The following PTPRD variants were observed in gnomAD, a reference collection of about 807,000 sequenced individuals.
PTPRD encodes the protein receptor-type tyrosine-protein phosphatase delta.
In PTPRD, 34 loss-of-function variants were observed where a neutral mutation model predicts 214.5. The observed-to-expected ratio is 0.16, with a 90% CI of 0.12 to 0.21. The LOEUF is 0.21. PTPRD is among the 10% of genes least tolerant of loss of function. The probability of loss-of-function intolerance (pLI) is 1.00; values close to 1 mark genes in which losing one functional copy is unlikely to be tolerated. For synonymous variants in PTPRD, 1,128 were observed against 845.7 expected (o/e 1.33, Z -5.79); for missense variants, 2,545 against 2,398.7 (o/e 1.06, Z -1.27).
intron 9 of PTPRD, among the ~76,000 whole-genome samples, chr9:9,264,229 C>T (rs1937901502): frequency 6.6e-6 from 1 of 151,552 alleles, no homozygotes; most frequent in Non-Finnish European, 1.5e-5. Flanking sequence ...CATCTATGAA[C>T]TGCTCAACAA....
At chr9:10,150,690 A>G (rs929955095) in intron 3 of PTPRD, among the ~76,000 whole-genome samples, 1 of 151,430 alleles carries the variant, frequency 6.6e-6, no homozygotes. Flanking sequence ...AAAAAATAAT[A>G]ATCTTTAAAA....
chr9:9,513,812 T>C (rs887640599), intron 8 of PTPRD, among the ~76,000 whole-genome samples: 2 of 152,030 alleles, frequency 1.3e-5, no homozygotes, highest in African/African-American at 4.8e-5. Context: ...AGGGCAAAAC[T>C]CTTGTTTATT....
At chr9:9,952,874 G>A (rs1475703848) in intron 4 of PTPRD, among the ~76,000 whole-genome samples, 5 of 152,016 alleles carry the variant, frequency 3.3e-5, no homozygotes, top group African/African-American at 1.2e-4. Context: ...TTATCTGGCT[G>A]CTATTTCCCT....
chr9:8,685,477 G>A (rs184774503), intron 12 of PTPRD, among the ~76,000 whole-genome samples: 6 of 151,784 alleles, frequency 4.0e-5, no homozygotes, highest in East Asian at 1.9e-4. Flanking sequence ...GTGGGCAAAC[G>A]CTGCATGTAA....
At chr9:9,642,902 A>AT (rs1166548404) in intron 7 of PTPRD, among the ~76,000 whole-genome samples, 4 of 152,190 alleles carry the variant, frequency 2.6e-5, no homozygotes, top group Non-Finnish European at 5.9e-5. Flanking sequence ...CAGAGCTGTG[A>AT]TTTGTACCTA....
intron 2 of PTPRD, among the ~76,000 whole-genome samples, chr9:10,389,171 C>A (rs2097998427): frequency 1.3e-5 from 2 of 151,766 alleles, no homozygotes; most frequent in Non-Finnish European, 2.9e-5. Flanking sequence ...ATAGAGGCTG[C>A]AAACCCTATT....
At chr9:9,107,329 C>A (rs535161003) in intron 10 of PTPRD, among the ~76,000 whole-genome samples, 7 of 152,220 alleles carry the variant, frequency 4.6e-5, no homozygotes, top group Admixed American at 4.6e-4. Context: ...ACACTGCTGG[C>A]GTTAAAACAC....
At position 9,135,561 on chromosome 9, in the gene PTPRD, T is replaced by C. The variant is rs1314517718; in HGVS notation, c.-143+47743A>G. On this transcript the variant is annotated intron_variant, in intron 10 of 45. Transcript: ENST00000381196. ...ATGGCTTTCAATGCTTTCTGTTACA[T>C]TCCCAGAAGGTGGCTAAGTGCGATA... Among the ~76,000 whole-genome samples, 3 of 152,258 alleles carry C rather than the reference T, an allele frequency of 2.0e-5. No individual in the cohort carries two copies. The South Asian group carries it at 6.2e-4, about 32-fold the overall frequency.
intron 3 of PTPRD, among the ~76,000 whole-genome samples, chr9:10,335,193 A>G (rs915359647): frequency 5.9e-5 from 9 of 151,792 alleles, no homozygotes; most frequent in Non-Finnish European, 1.3e-4. Context: ...GACTTAATAT[A>G]AAGCCACAGT....
intron 10 of PTPRD, among the ~76,000 whole-genome samples, chr9:9,067,681 G>C (rs1285741937): frequency 1.3e-5 from 2 of 152,066 alleles, no homozygotes; most frequent in East Asian, 3.9e-4. Flanking sequence ...ATGGTTGTAA[G>C]AAATAACACA....
chr9:9,448,450 T>TTC (rs2091168801), intron 8 of PTPRD, among the ~76,000 whole-genome samples: 1 of 151,940 alleles, frequency 6.6e-6, no homozygotes, highest in African/African-American at 2.4e-5. Flanking sequence ...TTGCAGTTCA[T>TTC]TCTCTCTCTC....
intron 5 of PTPRD, among the ~76,000 whole-genome samples, chr9:9,794,672 A>T (rs2098990829): frequency 1.3e-5 from 2 of 152,192 alleles, no homozygotes; most frequent in African/African-American, 4.8e-5. Context: ...AAGAGCCCTG[A>T]AATATAAGAA....
intron 35 of PTPRD, among the ~76,000 whole-genome samples, chr9:8,435,058 C>T (rs1184530142): frequency 1.3e-5 from 2 of 152,170 alleles, no homozygotes; most frequent in Non-Finnish European, 2.9e-5. Flanking sequence ...AGGAAACAAA[C>T]AAAATCTTTG....
At chr9:9,336,815 T>G (rs902398707) in intron 9 of PTPRD, among the ~76,000 whole-genome samples, 1 of 152,188 alleles carries the variant, frequency 6.6e-6, no homozygotes, top group Non-Finnish European at 1.5e-5. Flanking sequence ...TATTAAATTA[T>G]TTGACTTTAA....
At chr9:9,949,875 G>A (rs548988510) in intron 4 of PTPRD, among the ~76,000 whole-genome samples, 3 of 152,142 alleles carry the variant, frequency 2.0e-5, no homozygotes, top group Non-Finnish European at 2.9e-5. Flanking sequence ...ACCGCATTGA[G>A]TTATTGAATC....
At chr9:9,741,700 G>T (rs924468336) in intron 6 of PTPRD, among the ~76,000 whole-genome samples, 1 of 152,112 alleles carries the variant, frequency 6.6e-6, no homozygotes, top group Admixed American at 6.6e-5. Context: ...GTGAGAATAT[G>T]CAGTGTTTGG....
At chr9:10,080,727 G>T (rs1280167560) in intron 3 of PTPRD, among the ~76,000 whole-genome samples, 1 of 151,724 alleles carries the variant, frequency 6.6e-6, no homozygotes, top group East Asian at 1.9e-4. Context: ...TTCTTTATAG[G>T]GACTCCTACT....
intron 10 of PTPRD, among the ~76,000 whole-genome samples, chr9:9,138,031 G>C (rs911245076): frequency 1.3e-5 from 2 of 152,052 alleles, no homozygotes; most frequent in African/African-American, 4.8e-5. Context: ...AGATGTTAAG[G>C]GATAGAGCTG....
rs145120524 is a variant in PTPRD at position 9,849,078 on chromosome 9, CTA to C, written c.-367-82229_-367-82228del. ...ATACATAGACACACCCTGTTTTACCCTATGTTTTTAAATACATAGACACAGGG... is the reference window on the plus strand; with the variant it reads ...ATACATAGACACACCCTGTTTTACCCTGTTTTTAAATACATAGACACAGGG... On this transcript the variant is annotated intron_variant, in intron 5 of 45. Transcript: ENST00000381196. Among the ~76,000 whole-genome samples, 426 of 151,794 alleles carry C rather than the reference CTA, an allele frequency of 2.8e-3. 3 individuals carry two copies. Among genetic ancestry groups the C allele is most frequent in the African/African-American group, 9.6e-3 (398 of 41,412 alleles).
Sources: gnomAD v4.1 joint callset for allele counts (sites outside exome capture counted in the v4.1 genomes callset) on GRCh38, gnomAD v4.1.1 for gene constraint, MANE v1.5 for transcripts, NCBI Gene and HGNC (gene_info 2026-07-23, HGNC 2026-07-21) for gene names.